The following RIMS1 variants were observed in gnomAD, a reference collection of about 807,000 sequenced individuals.
RIMS1 encodes the protein regulating synaptic membrane exocytosis protein 1.
A neutral mutation model predicts 214.1 loss-of-function variants in RIMS1; 83 were observed. The ratio of observed to expected loss-of-function variants is 0.39; its 90% CI spans 0.32 to 0.47. RIMS1 has a LOEUF of 0.47. Ranked by LOEUF, RIMS1 falls within the 20% of genes least tolerant of loss-of-function variation. The pLI is 0.99. For synonymous variants in RIMS1, 793 were observed against 786.8 expected (o/e 1.01, Z -0.13); for missense variants, 2,050 against 2,161.8 (o/e 0.95, Z 1.03).
At chr6:72,313,472 A>T (rs45509195) in intron 27 of RIMS1, 34 bp from the exon 28 acceptor site, 16,929 of 1,597,102 alleles carry the variant, frequency 0.011, 102 homozygotes, top group Non-Finnish European at 0.013. Flanking sequence ...TTGTCTAATG[A>T]TGGAGCTCAC....
At chr6:71,888,168 C>T (rs1768428189) in intron 1 of RIMS1, among the ~76,000 whole-genome samples, 1 of 152,182 alleles carries the variant, frequency 6.6e-6, no homozygotes, top group Non-Finnish European at 1.5e-5. Flanking sequence ...TTACAAGGGA[C>T]TGGCAGAGAG....
At chr6:72,092,187 T>G (rs1054799786) in intron 2 of RIMS1, among the ~76,000 whole-genome samples, 1 of 152,130 alleles carries the variant, frequency 6.6e-6, no homozygotes, top group East Asian at 1.9e-4. Context: ...GAGAACAATT[T>G]AATAGAACAG....
intron 2 of RIMS1, among the ~76,000 whole-genome samples, chr6:72,087,693 C>G (rs1586665918): frequency 1.3e-5 from 2 of 152,192 alleles, no homozygotes; most frequent in African/African-American, 4.8e-5. Flanking sequence ...CCACTTCCAC[C>G]TCTTGAAGGC....
chr6:72,016,337 T>C (rs1812749406), intron 2 of RIMS1, among the ~76,000 whole-genome samples: 1 of 152,174 alleles, frequency 6.6e-6, no homozygotes, highest in Non-Finnish European at 1.5e-5. Flanking sequence ...GCTCATGTCT[T>C]TATTATTGTC....
At chr6:72,121,638 C>T (rs559575033) in intron 4 of RIMS1, among the ~76,000 whole-genome samples, 2 of 151,952 alleles carry the variant, frequency 1.3e-5, no homozygotes, top group East Asian at 1.9e-4. Context: ...ATTGAATACC[C>T]TTTATTTCTT....
At chr6:71,893,125 T>C (rs956013129) in intron 1 of RIMS1, among the ~76,000 whole-genome samples, 2 of 152,188 alleles carry the variant, frequency 1.3e-5, no homozygotes, top group African/African-American at 4.8e-5. Context: ...CAAGATTATA[T>C]TTTCCAGTAG....
chr6:72,187,228 A>G (rs1409470927), intron 6 of RIMS1, among the ~76,000 whole-genome samples: 1 of 152,082 alleles, frequency 6.6e-6, no homozygotes, highest in Non-Finnish European at 1.5e-5. Context: ...TATTGCTGCA[A>G]CCCAACTTAA....
intron 4 of RIMS1, among the ~76,000 whole-genome samples, chr6:72,118,318 T>TA (rs1316661846): frequency 2.0e-5 from 3 of 151,314 alleles, no homozygotes; most frequent in Non-Finnish European, 4.4e-5. Context: ...ATTTTTTTTT[T>TA]ATTTTTCAGT....
rs371189180 is a variant in RIMS1 at position 72,401,549 on chromosome 6, A to G, written c.*835A>G. 2 of 152,662 alleles carry G rather than the reference A, an allele frequency of 1.3e-5. No individual in the cohort carries two copies. The highest frequency in any genetic ancestry group is 4.8e-5 in the African/African-American group (2 of 41,470). The allele number at this position is 152,662 out of a possible 1,614,324, so 9.5% of individuals were successfully genotyped here. On this transcript the variant is annotated 3_prime_UTR_variant, in exon 34 of 34. Transcript: ENST00000521978. The stretch of plus-strand genomic sequence containing the variant: ...CCATTGTTTTGCATGGAAGACTTTT[A>G]AAGAAGTCAATCTGCAACTAATGCT...
chr6:71,899,966 C>T (rs1390283754), intron 1 of RIMS1, among the ~76,000 whole-genome samples: 5 of 152,078 alleles, frequency 3.3e-5, no homozygotes, highest in African/African-American at 9.7e-5. Context: ...GAATTAATAG[C>T]CTTTTGTAGA....
At chr6:72,137,168 A>G (rs1320340964) in intron 4 of RIMS1, among the ~76,000 whole-genome samples, 3 of 152,118 alleles carry the variant, frequency 2.0e-5, no homozygotes, top group Admixed American at 1.3e-4. Context: ...CCCATAATTT[A>G]TTCATCATTC....
intron 11 of RIMS1, among the ~76,000 whole-genome samples, chr6:72,246,820 A>C (rs982167683): frequency 6.6e-6 from 1 of 152,182 alleles, no homozygotes; most frequent in African/African-American, 2.4e-5. Flanking sequence ...TATTACAAAC[A>C]AGCATTATTA....
chr6:72,243,654 TA>T (rs1354395390), intron 10 of RIMS1, among the ~76,000 whole-genome samples: 1 of 151,748 alleles, frequency 6.6e-6, no homozygotes, highest in Non-Finnish European at 1.5e-5. Flanking sequence ...TATAGTGGTT[TA>T]AAAGTAAACA....
chr6:71,972,100 A>G (rs887689836), intron 2 of RIMS1, among the ~76,000 whole-genome samples: 5 of 152,184 alleles, frequency 3.3e-5, no homozygotes, highest in African/African-American at 4.8e-5. Context: ...TTAAGGAATG[A>G]GTAAAGTATG....
At chr6:72,073,273 G>C (rs1831007712) in intron 2 of RIMS1, among the ~76,000 whole-genome samples, 1 of 152,090 alleles carries the variant, frequency 6.6e-6, no homozygotes, top group African/African-American at 2.4e-5. Context: ...AACATCTCTT[G>C]TTGTATGAAT....
intron 1 of RIMS1, 148 bp downstream of exon 1, chr6:71,887,335 G>A (rs968698062): frequency 6.9e-6 from 7 of 1,020,008 alleles, no homozygotes; most frequent in African/African-American, 1.6e-5. Context: ...GGCCAGGGGC[G>A]CGGGGCTTGA....
chr6:72,109,795 G>A (rs1291396324), intron 4 of RIMS1, among the ~76,000 whole-genome samples: 8 of 152,122 alleles, frequency 5.3e-5, no homozygotes, highest in Non-Finnish European at 1.0e-4. Flanking sequence ...GTCCTGAATG[G>A]TAATGCCTAG....
chr6:72,298,761 T>C (rs2094340113), intron 26 of RIMS1, among the ~76,000 whole-genome samples: 1 of 151,868 alleles, frequency 6.6e-6, no homozygotes, highest in South Asian at 2.1e-4. Flanking sequence ...CCACTTAGTT[T>C]CTCCTCCCTT....
chr6:71,924,807 C>CAAAAA (rs10652071), intron 1 of RIMS1, among the ~76,000 whole-genome samples: 2 of 62,062 alleles, frequency 3.2e-5, no homozygotes, highest in Non-Finnish European at 2.9e-5. Flanking sequence ...ACCCTGTCTC[C>CAAAAA]AAAAAAAAAA....
Sources: gnomAD v4.1 joint callset for allele counts (sites outside exome capture counted in the v4.1 genomes callset) on GRCh38, gnomAD v4.1.1 for gene constraint, MANE v1.5 for transcripts, NCBI Gene and HGNC (gene_info 2026-07-23, HGNC 2026-07-21) for gene names.